Variants in LHFPL3 observed in about 807,000 individuals in gnomAD.
LHFPL3 encodes LHFPL tetraspan subfamily member 3.
In LHFPL3, 5 loss-of-function variants were observed where a neutral mutation model predicts 19.3. The observed-to-expected ratio is 0.26, with a 90% CI of 0.14 to 0.54. LHFPL3 has a LOEUF of 0.54. Ranked by LOEUF, LHFPL3 falls within the 20% of genes least tolerant of loss-of-function variation. LHFPL3 has a pLI of 0.94. For missense variants in LHFPL3, 249 were observed against 307.4 expected (o/e 0.81, Z 1.42); for synonymous variants, 133 against 126.2 (o/e 1.05, Z -0.36).
At chr7:104,630,674 C>T (rs1422341517) in intron 1 of LHFPL3, among the ~76,000 whole-genome samples, 1 of 152,100 alleles carries the variant, frequency 6.6e-6, no homozygotes, top group Non-Finnish European at 1.5e-5. Context: ...AACCAGTTCT[C>T]TCTCATGGCC....
At chr7:104,431,024 A>G (rs1222610478) in intron 1 of LHFPL3, among the ~76,000 whole-genome samples, 1 of 152,236 alleles carries the variant, frequency 6.6e-6, no homozygotes, top group African/African-American at 2.4e-5. Flanking sequence ...AATGATGATG[A>G]ATAAAATAAA....
At chr7:104,687,779 C>T (rs777532380) in intron 1 of LHFPL3, among the ~76,000 whole-genome samples, 10 of 152,208 alleles carry the variant, frequency 6.6e-5, no homozygotes, top group Non-Finnish European at 1.5e-4. Context: ...GAACCTGAAG[C>T]TCTGTAAGCC....
intron 1 of LHFPL3, among the ~76,000 whole-genome samples, chr7:104,483,497 C>G (rs981672631): frequency 4.6e-5 from 7 of 152,138 alleles, no homozygotes; most frequent in African/African-American, 1.7e-4. Flanking sequence ...ATAAAGGTAT[C>G]TCATGTAAAG....
chr7:104,773,877 G>A (rs1044904581), intron 2 of LHFPL3, among the ~76,000 whole-genome samples: 5 of 152,244 alleles, frequency 3.3e-5, no homozygotes, highest in Admixed American at 1.3e-4. Flanking sequence ...CGGACACCGT[G>A]ATCCTTGACT....
intron 1 of LHFPL3, among the ~76,000 whole-genome samples, chr7:104,553,355 C>A (rs188151455): frequency 6.6e-6 from 1 of 152,182 alleles, no homozygotes; most frequent in Non-Finnish European, 1.5e-5. Context: ...TTCTCTGCTG[C>A]TTTACCACCT....
intron 1 of LHFPL3, among the ~76,000 whole-genome samples, chr7:104,490,766 A>G (rs1793326785): frequency 6.6e-6 from 1 of 152,196 alleles, no homozygotes; most frequent in Non-Finnish European, 1.5e-5. Context: ...TTCTTTTTTC[A>G]GATAGGGCAA....
At chr7:104,822,349 T>A (rs940131336) in intron 2 of LHFPL3, among the ~76,000 whole-genome samples, 17 of 152,200 alleles carry the variant, frequency 1.1e-4, no homozygotes, top group African/African-American at 3.4e-4. Flanking sequence ...TATAACACAT[T>A]TATCAGGTAA....
intron 1 of LHFPL3, among the ~76,000 whole-genome samples, chr7:104,536,250 CAG>C (rs2115859986): frequency 6.6e-6 from 1 of 152,208 alleles, no homozygotes; most frequent in South Asian, 2.1e-4. Flanking sequence ...ATAAGAAAAA[CAG>C]AACAGAAACA....
chr7:104,557,430 T>A (rs1346612849), intron 1 of LHFPL3, among the ~76,000 whole-genome samples: 1 of 152,098 alleles, frequency 6.6e-6, no homozygotes, highest in African/African-American at 2.4e-5. Flanking sequence ...TTTAAAACCA[T>A]CAGATCTTGT....
intron 1 of LHFPL3, among the ~76,000 whole-genome samples, chr7:104,596,473 CTTT>C (rs1790862444): frequency 6.6e-6 from 1 of 152,186 alleles, no homozygotes; most frequent in African/African-American, 2.4e-5. Context: ...TAAGTGGTCA[CTTT>C]TTCAGCTCTG....
intron 1 of LHFPL3, among the ~76,000 whole-genome samples, chr7:104,549,192 A>G (rs1352700636): frequency 1.3e-5 from 2 of 152,148 alleles, no homozygotes; most frequent in African/African-American, 4.8e-5. Context: ...TGCAGTAACC[A>G]GGAGGGCTGC....
chr7:104,520,359 T>C (rs1287072865), intron 1 of LHFPL3, among the ~76,000 whole-genome samples: 2 of 146,406 alleles, frequency 1.4e-5, no homozygotes, highest in African/African-American at 2.6e-5. Context: ...CAGTATTTTA[T>C]TGAGGATTTT....
At chr7:104,506,606 C>T (rs1433141676) in intron 1 of LHFPL3, among the ~76,000 whole-genome samples, 2 of 152,220 alleles carry the variant, frequency 1.3e-5, no homozygotes, top group African/African-American at 4.8e-5. Context: ...CTCAGTGCAA[C>T]ACTAACAGAT....
rs1336106989 is a variant in LHFPL3 at position 104,399,972 on chromosome 7, C to T, written c.445+70748C>T. On this transcript the variant is annotated intron_variant, in intron 1 of 2. Transcript: ENST00000424859. The surrounding 1 kb of genome is among the most constrained non-coding windows in gnomAD (Gnocchi z 4.4). ...TACAAAAATTAGCTGGGCATGGTGGCAGATGCCTGTAATCCCAGCTACCCG... is the reference window on the plus strand; with the variant it reads ...TACAAAAATTAGCTGGGCATGGTGGTAGATGCCTGTAATCCCAGCTACCCG... Among the ~76,000 whole-genome samples, 1 of 151,230 alleles carries T rather than the reference C, an allele frequency of 6.6e-6. No homozygotes were observed. Among genetic ancestry groups the T allele is most frequent in the South Asian group, 2.1e-4 (1 of 4,734 alleles).
intron 1 of LHFPL3, among the ~76,000 whole-genome samples, chr7:104,485,463 G>C (rs1793219834): frequency 6.6e-6 from 1 of 151,952 alleles, no homozygotes; most frequent in Non-Finnish European, 1.5e-5. Context: ...GCATCCATAA[G>C]TTATATTGGT....
intron 2 of LHFPL3, chr7:104,738,773 A>T (rs1793877438): frequency 6.6e-6 from 1 of 152,134 alleles, no homozygotes; most frequent in Non-Finnish European, 1.5e-5. Context: ...TTATAGGTTG[A>T]TGTCTGATCC....
At chr7:104,468,094 G>A (rs547094008) in intron 1 of LHFPL3, among the ~76,000 whole-genome samples, 173 of 152,340 alleles carry the variant, frequency 1.1e-3, no homozygotes, top group Admixed American at 4.6e-3. Flanking sequence ...TAGAAGAGCA[G>A]AAGTTATCTG....
At chr7:104,820,960 T>G (rs553044755) in intron 2 of LHFPL3, among the ~76,000 whole-genome samples, 44 of 152,274 alleles carry the variant, frequency 2.9e-4, no homozygotes, top group Non-Finnish European at 4.7e-4. Context: ...CCTCAGTGTT[T>G]CCTGCTTAAG....
chr7:104,901,093 C>T (rs930102091), intron 2 of LHFPL3, among the ~76,000 whole-genome samples: 1 of 152,238 alleles, frequency 6.6e-6, no homozygotes, highest in African/African-American at 2.4e-5. Flanking sequence ...CCTCGTGTCT[C>T]ACGGTCTTAA....
Sources: gnomAD v4.1 joint callset for allele counts (sites outside exome capture counted in the v4.1 genomes callset) on GRCh38, gnomAD v4.1.1 for gene constraint, Gnocchi (gnomAD v3.1) non-coding constraint, MANE v1.5 for transcripts, NCBI Gene and HGNC (gene_info 2026-07-23, HGNC 2026-07-21) for gene names.